Variants in NOD2 observed in about 807,000 individuals in gnomAD.
NOD2 encodes the protein nucleotide-binding oligomerization domain-containing protein 2.
In NOD2, 86 loss-of-function variants were observed where a neutral mutation model predicts 90.9. The ratio of observed to expected loss-of-function variants is 0.95; its 90% CI spans 0.79 to 1.13. The LOEUF is 1.13. NOD2 is among the 50% of genes most tolerant of loss of function. The probability of loss-of-function intolerance (pLI) is 0.00; values close to 1 mark genes in which losing one functional copy is unlikely to be tolerated. For synonymous variants in NOD2, 581 were observed against 554.6 expected (o/e 1.05, Z -0.67); for missense variants, 1,238 against 1,283.8 (o/e 0.96, Z 0.55).
intron 7 of NOD2, 40 bp downstream of exon 7, chr16:50,720,048 C>T (rs748642229): frequency 7.0e-6 from 11 of 1,575,270 alleles, no homozygotes; most frequent in African/African-American, 1.3e-5. Flanking sequence ...CATGGAGGGG[C>T]TTGGGACTTT....
chr16:50,714,802 A>G lies in NOD2; in HGVS notation c.2382-1785A>G, dbSNP rs180983780. Among the ~76,000 whole-genome samples, 568 of 152,128 alleles carry G rather than the reference A, an allele frequency of 3.7e-3. 1 individual carries two copies. The highest frequency in any genetic ancestry group is 0.013 in the African/African-American group (553 of 41,482). On this transcript the variant is annotated intron_variant, in intron 4 of 11. Transcript: ENST00000647318. ...GAAACCCTATATACACAGTGCCCCT[A>G]TATAGGTTTCTTTAGACTCTGGCTC...
At position 50,712,500 on chromosome 16, in the gene NOD2, G is replaced by C; in HGVS notation, c.2381+127G>C. 3 of 1,151,858 alleles carry C rather than the reference G, an allele frequency of 2.6e-6. No homozygotes were observed. In the East Asian group the frequency reaches 7.1e-5, roughly 27 times the overall value. 71.4% of individuals were successfully genotyped at this position (1,151,858 alleles called of 1,614,324 possible). On this transcript the variant is annotated intron_variant, in intron 4 of 11. Coordinates refer to ENST00000647318, the MANE Select transcript of NOD2 (RefSeq NM_001370466.1). ...CTCTGCCACCCTGCTTTGCAACACTGCCCAGATCCCTTCCCTTCTGGGCCT... is the reference window on the plus strand; with the variant it reads ...CTCTGCCACCCTGCTTTGCAACACTCCCCAGATCCCTTCCCTTCTGGGCCT...
At chr16:50,720,908 G>A (rs1211441605) in intron 7 of NOD2, among the ~76,000 whole-genome samples, 1 of 152,102 alleles carries the variant, frequency 6.6e-6, no homozygotes, top group African/African-American at 2.4e-5. Flanking sequence ...TGGTTCAAGC[G>A]ATTCACCTGC....
chr16:50,710,447 G>C (rs1567389428), intron 3 of NOD2, 111 bp from the exon 4 acceptor site: 1 of 1,478,766 alleles, frequency 6.8e-7, no homozygotes, highest in Non-Finnish European at 9.4e-7. Context: ...GCGCCCGCTG[G>C]CTCTCCTATC....
In NOD2 at chr16:50,731,969, C is replaced by A; in HGVS notation, c.*150C>A. The A allele has an allele frequency of 1.4e-6, 1 of 694,520 alleles. No individual in the cohort carries two copies. The highest frequency in any genetic ancestry group is 2.0e-5 in the Admixed American group (1 of 49,702). 43.0% of individuals were successfully genotyped at this position (694,520 alleles called of 1,614,324 possible). A position where few individuals can be genotyped will look rare whatever the true frequency, so the allele number is the denominator to read the frequency against. On this transcript the variant is annotated 3_prime_UTR_variant, in exon 12 of 12. Transcript: ENST00000647318. Reference sequence around the variant, plus strand: ...TGTTTTCTGGGAACACCATAGGTCACCTTTATTCTGGCAGAGGAGGGAGCA... The same window carrying A: ...TGTTTTCTGGGAACACCATAGGTCAACTTTATTCTGGCAGAGGAGGGAGCA...
intron 9 of NOD2, 88 bp from the exon 10 acceptor site, chr16:50,725,400 GT>G (rs1965228750): frequency 9.9e-7 from 1 of 1,010,696 alleles, no homozygotes; most frequent in South Asian, 1.3e-5. Flanking sequence ...GTTTTCAGAT[GT>G]TGGATTTCCT....
intron 2 of NOD2, 43 bp from the exon 3 acceptor site, chr16:50,707,812 A>G (rs1964266744): frequency 2.2e-6 from 3 of 1,386,190 alleles, no homozygotes; most frequent in Non-Finnish European, 3.1e-6. Flanking sequence ...ACATTGCTCC[A>G]TCAGCCTTCC....
At chr16:50,697,290 C>T in intron 1 of NOD2, 2 of 1,559,914 alleles carry the variant, frequency 1.3e-6, no homozygotes, top group South Asian at 1.2e-5. Context: ...GAGGAAAGAG[C>T]AAGTGTCCTC....
chr16:50,723,212 G>A (rs1156393478), intron 8 of NOD2, 89 bp from the exon 9 acceptor site: 20 of 968,424 alleles, frequency 2.1e-5, no homozygotes, highest in Non-Finnish European at 2.9e-5. Context: ...CAGACCAGGA[G>A]AGCACCACGA....
rs770461687 is a variant in NOD2, at chr16:50,732,289, C to T, written c.*470C>T. On this transcript the variant is annotated 3_prime_UTR_variant, in exon 12 of 12. Coordinates refer to ENST00000647318, the MANE Select transcript of NOD2 (RefSeq NM_001370466.1). ...CAGCTTTCCCCATGTCTCGACTCAT[C>T]CATCCAGGCCATTCCCCGTCTCTGG... 2.3e-4 allele frequency: 46 copies of T among 201,362 alleles called. No homozygotes were observed. Among genetic ancestry groups the T allele is most frequent in the Non-Finnish European group, 3.8e-4 (36 of 95,536 alleles). The allele number at this position is 201,362 out of a possible 1,614,324, so 12.5% of individuals were successfully genotyped here. A position where few individuals can be genotyped will look rare whatever the true frequency, so the allele number is the denominator to read the frequency against.
At chr16:50,701,527 G>T (rs185966486) in intron 2 of NOD2, among the ~76,000 whole-genome samples, 1 of 152,182 alleles carries the variant, frequency 6.6e-6, no homozygotes, top group Non-Finnish European at 1.5e-5. Flanking sequence ...TTAGTTGCAC[G>T]TACAGAAGAC....
chr16:50,710,539 C>T lies in NOD2; in HGVS notation c.566-19C>T, dbSNP rs1427237083. ...TCACCATGGTGCCACCTTCATCTGCCTCTTCTTCTGCCTTCCAGCTGCCAC... is the reference window on the plus strand; with the variant it reads ...TCACCATGGTGCCACCTTCATCTGCTTCTTCTTCTGCCTTCCAGCTGCCAC... On this transcript the variant is annotated intron_variant, in intron 3 of 11. Coordinates refer to ENST00000647318, the MANE Select transcript of NOD2 (RefSeq NM_001370466.1). 2 of 1,614,122 alleles carry T rather than the reference C, an allele frequency of 1.2e-6. No homozygotes were observed. The highest frequency in any genetic ancestry group is 1.7e-6 in the Non-Finnish European group (2 of 1,180,040).
At position 50,699,858 on chromosome 16, in the gene NOD2, T is replaced by C. The variant is rs1028713224; in HGVS notation, c.363T>C (p.His121=). 4 of 1,613,324 alleles carry C rather than the reference T, an allele frequency of 2.5e-6. No individual in the cohort carries two copies. The African/African-American group carries it at 5.3e-5, about 22-fold the overall frequency. The change falls in exon 2 of 12, where the codon CAT becomes CAC. Residue 121 remains histidine, a synonymous_variant. Coordinates refer to ENST00000647318, the MANE Select transcript of NOD2 (RefSeq NM_001370466.1). The part of the protein sequence containing the change: ...RPAIVRRLHS[H]VENMLDLAWE... ...CCATTGTCAGGAGGCTCCACAGCCA[T>C]GTGGAGAACATGCTGGACCTGGCAT...
chr16:50,702,513 T>C (rs77766374), intron 2 of NOD2, among the ~76,000 whole-genome samples: 2,785 of 152,340 alleles, frequency 0.018, 72 homozygotes, highest in African/African-American at 0.06. Flanking sequence ...GTGCTTGTGG[T>C]ATATCCAACC....
At chr16:50,714,479 C>T (rs1964688050) in intron 4 of NOD2, among the ~76,000 whole-genome samples, 1 of 152,130 alleles carries the variant, frequency 6.6e-6, no homozygotes, top group Non-Finnish European at 1.5e-5. Flanking sequence ...CTGCAGCAAC[C>T]AGCTTGGTTT....
chr16:50,714,692 G>A (rs1964703178), intron 4 of NOD2, among the ~76,000 whole-genome samples: 1 of 151,626 alleles, frequency 6.6e-6, no homozygotes, highest in Non-Finnish European at 1.5e-5. Flanking sequence ...GGAAGGGGGA[G>A]GGCACAGGCT....
intron 2 of NOD2, among the ~76,000 whole-genome samples, chr16:50,702,878 G>A (rs1384960548): frequency 6.6e-6 from 1 of 152,184 alleles, no homozygotes; most frequent in Non-Finnish European, 1.5e-5. Flanking sequence ...GTCATAAAAT[G>A]TGGGGGCTTT....
intron 10 of NOD2, chr16:50,728,060 C>T (rs1387917674): frequency 1.7e-5 from 4 of 229,236 alleles, no homozygotes; most frequent in Non-Finnish European, 3.6e-5. Flanking sequence ...GAAGATGACA[C>T]TTCAAAATGA....
chr16:50,704,122 G>A (rs1420053945), intron 2 of NOD2, among the ~76,000 whole-genome samples: 3 of 152,230 alleles, frequency 2.0e-5, no homozygotes. Flanking sequence ...ATAAAGGTTA[G>A]GGTCAGGCTT....
Sources: gnomAD v4.1 joint callset for allele counts (sites outside exome capture counted in the v4.1 genomes callset) on GRCh38, gnomAD v4.1.1 for gene constraint, MANE v1.5 for transcripts, NCBI Gene and HGNC (gene_info 2026-07-23, HGNC 2026-07-21) for gene names.